CNTN6: variants seen among roughly 807,000 people sequenced by gnomAD.
The protein encoded by CNTN6 is contactin 6.
In CNTN6, 137 loss-of-function variants were observed where a neutral mutation model predicts 122.8. The ratio of observed to expected loss-of-function variants is 1.12; its 90% CI spans 0.97 to 1.29. The LOEUF is 1.29. Ranked by LOEUF, CNTN6 falls within the 50% of genes most tolerant of loss-of-function variation. CNTN6 has a pLI of 0.00. For synonymous variants in CNTN6, 570 were observed against 426.0 expected, an observed-to-expected ratio of 1.34 and a Z score of -4.16; for missense variants, 1,634 against 1,223.4, an observed-to-expected ratio of 1.34 and a Z score of -5.01.
chr3:1,318,427 C>T (rs1020394410), intron 7 of CNTN6, among the ~76,000 whole-genome samples: 8 of 151,578 alleles, frequency 5.3e-5, no homozygotes, highest in African/African-American at 1.9e-4. Context: ...TTAAGGTTTC[C>T]TACAGTTGGT....
chr3:1,325,997 A>C (rs1701493178), intron 9 of CNTN6, 46 bp downstream of exon 9: 1 of 1,555,620 alleles, frequency 6.4e-7, no homozygotes, highest in East Asian at 2.3e-5. Flanking sequence ...TCTACTAGGT[A>C]AATTTTGTTA....
intron 5 of CNTN6, among the ~76,000 whole-genome samples, chr3:1,291,689 C>G (rs1171970510): frequency 6.6e-6 from 1 of 152,138 alleles, no homozygotes; most frequent in Non-Finnish European, 1.5e-5. Context: ...AAAATTTACT[C>G]TCTAGATGAC....
At chr3:1,388,314 C>A (rs1032889811) in intron 20 of CNTN6, among the ~76,000 whole-genome samples, 6 of 146,650 alleles carry the variant, frequency 4.1e-5, no homozygotes, top group Non-Finnish European at 7.6e-5. Flanking sequence ...TGACACCTCA[C>A]ACGGCAGGGT....
Position 1,348,157 on chromosome 3 carries a change from CAAAAA to C in CNTN6, c.1365-4152_1365-4148del, listed in dbSNP as rs532282828. Among the ~76,000 whole-genome samples, 8 of 64,302 alleles carry C rather than the reference CAAAAA, an allele frequency of 1.2e-4. 1 individual carries two copies. Among genetic ancestry groups the C allele is most frequent in the Admixed American group, 1.7e-4 (1 of 6,052 alleles). 42.2% of individuals were successfully genotyped at this position (64,302 alleles called of 152,430 possible). ...AATATTAGTATTTCTATGCTATAGA[CAAAAA>C]AAAAAAAAAAAAAAGGACTTGGGCC... On this transcript the variant is annotated intron_variant, in intron 11 of 22. Coordinates refer to ENST00000446702, the MANE Select transcript of CNTN6 (RefSeq NM_001289080.2).
At chr3:1,308,033 C>T (rs1324929551) in intron 7 of CNTN6, among the ~76,000 whole-genome samples, 4 of 152,074 alleles carry the variant, frequency 2.6e-5, no homozygotes, top group African/African-American at 7.2e-5. Flanking sequence ...GAGTGTTGTG[C>T]TTCACCTTCT....
At chr3:1,237,427 T>C (rs986734446) in intron 4 of CNTN6, among the ~76,000 whole-genome samples, 9 of 152,216 alleles carry the variant, frequency 5.9e-5, no homozygotes, top group Admixed American at 4.6e-4. Flanking sequence ...CTAAGAATAA[T>C]TGGTGTTCCC....
At chr3:1,338,012 T>G (rs1703320559) in intron 11 of CNTN6, among the ~76,000 whole-genome samples, 2 of 151,976 alleles carry the variant, frequency 1.3e-5, no homozygotes, top group African/African-American at 4.8e-5. Flanking sequence ...TTCATTAAAG[T>G]TATAAAGCCT....
At chr3:1,214,811 C>T (rs2094107114) in intron 2 of CNTN6, among the ~76,000 whole-genome samples, 1 of 152,128 alleles carries the variant, frequency 6.6e-6, no homozygotes, top group African/African-American at 2.4e-5. Context: ...GGCTATAGTA[C>T]AGCAGTGTGA....
intron 20 of CNTN6, among the ~76,000 whole-genome samples, chr3:1,389,725 C>A (rs1457438219): frequency 6.7e-6 from 1 of 150,068 alleles, no homozygotes; most frequent in East Asian, 1.9e-4. Flanking sequence ...ATCTACTGAG[C>A]CAATGGAAAA....
chr3:1,225,122 G>T (rs531680460), intron 3 of CNTN6, among the ~76,000 whole-genome samples: 14 of 152,292 alleles, frequency 9.2e-5, no homozygotes, highest in African/African-American at 3.4e-4. Flanking sequence ...CGAGATTTTA[G>T]TTCACATCCA....
In CNTN6 at chr3:1,215,741, A is replaced by G. The variant is rs2094121224; in HGVS notation, c.56-4946A>G. Among the ~76,000 whole-genome samples the G allele has an allele frequency of 2.0e-5, 3 of 151,956 alleles. No individual in the cohort carries two copies. In the South Asian group the frequency reaches 6.2e-4, roughly 31 times the overall value. ...CATAGTTACTATTCCATTTCTTTTC[A>G]TATTGTTCATGCTTGAGAAACTGTG... On this transcript the variant is annotated intron_variant, in intron 2 of 22. Coordinates refer to ENST00000446702, the MANE Select transcript of CNTN6 (RefSeq NM_001289080.2).
intron 1 of CNTN6, among the ~76,000 whole-genome samples, chr3:1,136,339 C>T (rs1244675632): frequency 2.0e-5 from 3 of 152,112 alleles, no homozygotes; most frequent in Non-Finnish European, 4.4e-5. Context: ...ATGGCTCTTT[C>T]CCCTTGATTA....
chr3:1,211,356 CT>C (rs2094035317), intron 2 of CNTN6, among the ~76,000 whole-genome samples: 1 of 152,098 alleles, frequency 6.6e-6, no homozygotes, highest in South Asian at 2.1e-4. Context: ...TAGATACAGG[CT>C]TTCTAATGTA....
intron 7 of CNTN6, among the ~76,000 whole-genome samples, chr3:1,308,640 G>A (rs759534603): frequency 2.6e-5 from 4 of 151,668 alleles, no homozygotes; most frequent in African/African-American, 4.8e-5. Flanking sequence ...TGTTGTCTCC[G>A]ACTCTAATCC....
chr3:1,280,822 G>T (rs1197086238), intron 5 of CNTN6, among the ~76,000 whole-genome samples: 2 of 152,026 alleles, frequency 1.3e-5, no homozygotes, highest in African/African-American at 4.8e-5. Flanking sequence ...ATATTTGTCG[G>T]CTGAATCATG....
intron 2 of CNTN6, among the ~76,000 whole-genome samples, chr3:1,199,522 C>T (rs1428786686): frequency 1.3e-5 from 2 of 152,000 alleles, no homozygotes; most frequent in Non-Finnish European, 2.9e-5. Context: ...AAATTGGTTG[C>T]AGCAGCACTA....
At chr3:1,098,748 G>A (rs1235619308) in intron 1 of CNTN6, among the ~76,000 whole-genome samples, 6 of 115,964 alleles carry the variant, frequency 5.2e-5, no homozygotes, top group African/African-American at 1.5e-4. Context: ...AATTCTTTTG[G>A]CAGTAATGCA....
At chr3:1,381,073 G>A (rs1691800283) in intron 17 of CNTN6, among the ~76,000 whole-genome samples, 1 of 152,000 alleles carries the variant, frequency 6.6e-6, no homozygotes, top group South Asian at 2.1e-4. Context: ...GTTGGACTCA[G>A]GTCTTTCTTG....
chr3:1,234,956 G>A (rs533394802), intron 4 of CNTN6, among the ~76,000 whole-genome samples: 3 of 152,262 alleles, frequency 2.0e-5, no homozygotes, highest in East Asian at 1.9e-4. Context: ...AAGCAGTTGC[G>A]TGGTTAAATT....
Sources: gnomAD v4.1 joint callset for allele counts (sites outside exome capture counted in the v4.1 genomes callset) on GRCh38, gnomAD v4.1.1 for gene constraint, MANE v1.5 for transcripts, NCBI Gene and HGNC (gene_info 2026-07-23, HGNC 2026-07-21) for gene names.